Variants in LGR4 observed in about 807,000 individuals in gnomAD.
LGR4 encodes the protein leucine rich repeat containing G protein-coupled receptor 4, also known as leucine-rich repeat-containing G protein-coupled receptor 4.
Under a neutral mutation model 84.8 loss-of-function variants are expected in LGR4, and 44 were observed. The ratio of observed to expected loss-of-function variants is 0.52; its 90% CI spans 0.41 to 0.67. The LOEUF (loss-of-function observed/expected upper bound fraction) is 0.67. Among genes scored for constraint, LGR4 ranks in the 30% least tolerant of loss-of-function variants. The pLI, the probability that LGR4 is intolerant of heterozygous loss-of-function variation, is 0.00. For synonymous variants in LGR4, 429 were observed against 434.3 expected (o/e 0.99, Z 0.15); for missense variants, 1,032 against 1,131.4 (o/e 0.91, Z 1.26).
chr11:27,431,078 ACT>A (rs1244190823), intron 1 of LGR4, among the ~76,000 whole-genome samples: 1 of 151,534 alleles, frequency 6.6e-6, no homozygotes, highest in Non-Finnish European at 1.5e-5. Flanking sequence ...CCCCCAGTAA[ACT>A]CTATATTACC....
At chr11:27,471,865 G>C (rs1864879282) in intron 1 of LGR4, 1 of 316,460 alleles carries the variant, frequency 3.2e-6, no homozygotes, top group Non-Finnish European at 5.7e-6. Context: ...GGGGTGGGAG[G>C]GTGCTTGTGC....
intron 1 of LGR4, among the ~76,000 whole-genome samples, chr11:27,467,597 G>T (rs1391247056): frequency 6.7e-6 from 1 of 149,156 alleles, no homozygotes; most frequent in African/African-American, 2.6e-5. Context: ...ATTAAATAGA[G>T]AACAACAATA....
At chr11:27,442,676 T>C (rs1474721403) in intron 1 of LGR4, among the ~76,000 whole-genome samples, 1 of 152,182 alleles carries the variant, frequency 6.6e-6, no homozygotes, top group Non-Finnish European at 1.5e-5. Context: ...ATTATGACAA[T>C]CATTCACAAA....
intron 2 of LGR4, among the ~76,000 whole-genome samples, chr11:27,412,421 G>A (rs1863728705): frequency 6.6e-6 from 1 of 152,008 alleles, no homozygotes; most frequent in African/African-American, 2.4e-5. Context: ...ATTTTTTGTG[G>A]TTCTGTTACC....
chr11:27,410,345 C>T (rs531203009), intron 2 of LGR4, among the ~76,000 whole-genome samples: 4 of 152,072 alleles, frequency 2.6e-5, no homozygotes, highest in Non-Finnish European at 5.9e-5. Context: ...CCCAATACCC[C>T]AAGCATTCTA....
chr11:27,376,282 A>G lies in LGR4; in HGVS notation c.1181+17T>C. 1 of 1,473,504 alleles carries G rather than the reference A, an allele frequency of 6.8e-7. No individual in the cohort carries two copies. Among genetic ancestry groups the G allele is most frequent in the Non-Finnish European group, 9.4e-7 (1 of 1,069,272 alleles). The allele number at this position is 1,473,504 out of a possible 1,614,324, so 91.3% of individuals were successfully genotyped here. A position where few individuals can be genotyped will look rare whatever the true frequency, so the allele number is the denominator to read the frequency against. ...TGGAAAAAATTTATTGTCTTTAATA[A>G]TCATAGACAAACTTACAGAATCCTT... is the stretch of plus-strand genomic sequence containing the variant. On this transcript the variant is annotated intron_variant, in intron 13 of 17. Coordinates refer to ENST00000379214, the MANE Select transcript of LGR4 (RefSeq NM_018490.5).
intron 1 of LGR4, among the ~76,000 whole-genome samples, chr11:27,429,377 C>G (rs1864076911): frequency 6.6e-6 from 1 of 151,752 alleles, no homozygotes; most frequent in Non-Finnish European, 1.5e-5. Flanking sequence ...CCCAGCTACT[C>G]AAGAGGCTGA....
intron 3 of LGR4, 26 bp from the exon 4 acceptor site, chr11:27,391,191 G>A: frequency 1.6e-6 from 2 of 1,275,176 alleles, no homozygotes; most frequent in South Asian, 1.3e-5. Flanking sequence ...TGGTTAGTGA[G>A]TAACAAGTGA....
intron 9 of LGR4, 26 bp from the exon 10 acceptor site, chr11:27,380,365 TA>T (rs748801825): frequency 4.5e-6 from 7 of 1,562,412 alleles, no homozygotes; most frequent in Middle Eastern, 1.7e-4. Context: ...AAAGACAAGG[TA>T]ATTTTTAAAT....
chr11:27,374,011 C>G lies in LGR4; in HGVS notation c.1217G>C (p.Ser406Thr). 3.1e-6 allele frequency: 5 copies of G among 1,612,342 alleles called. 1 individual carries two copies. In the South Asian group the frequency reaches 5.5e-5, roughly 18 times the overall value. Reference protein sequence around the residue: ...LSRNLIHEIHSRAFATLGPIT... With the variant: ...LSRNLIHEIHTRAFATLGPIT... ...TGGCCCAAGTGTGGCAAAAGCTCTA[C>G]TGTGAATTTCATGTATCAGGTTTCT... The change falls in exon 14 of 18, where the codon AGT becomes ACT. Residue 406 changes from serine to threonine, a missense_variant. Ser to Thr is a moderately conservative substitution (Grantham distance 58). Coordinates refer to ENST00000379214, the MANE Select transcript of LGR4 (RefSeq NM_018490.5).
intron 1 of LGR4, among the ~76,000 whole-genome samples, chr11:27,443,311 T>C (rs373901624): frequency 1.6e-4 from 25 of 152,276 alleles, no homozygotes; most frequent in African/African-American, 5.8e-4. Flanking sequence ...CACTGCACGA[T>C]GGGAAATTCC....
At chr11:27,435,915 C>CT (rs869261031) in intron 1 of LGR4, among the ~76,000 whole-genome samples, 157 of 144,750 alleles carry the variant, frequency 1.1e-3, no homozygotes, top group South Asian at 1.5e-3. Flanking sequence ...AATGGAACTT[C>CT]TTTTTTTTTT....
chr11:27,392,135 A>C (rs1438072102), intron 3 of LGR4, among the ~76,000 whole-genome samples: 1 of 152,222 alleles, frequency 6.6e-6, no homozygotes, highest in East Asian at 1.9e-4. Context: ...CTATAAAATA[A>C]GTAGAAACAA....
chr11:27,375,167 C>T (rs1862951544), intron 13 of LGR4, among the ~76,000 whole-genome samples: 1 of 150,494 alleles, frequency 6.6e-6, no homozygotes, highest in African/African-American at 2.4e-5. Flanking sequence ...GTGGTGTGCA[C>T]CTGTAGTCCC....
intron 1 of LGR4, among the ~76,000 whole-genome samples, chr11:27,460,360 C>A (rs778307373): frequency 1.3e-5 from 2 of 152,018 alleles, no homozygotes; most frequent in Non-Finnish European, 2.9e-5. Context: ...AGAAGATAAA[C>A]ATAAAGGCAG....
In LGR4 at chr11:27,472,582, G is replaced by C; in HGVS notation, c.-280C>G. The C allele has an allele frequency of 2.7e-6, 1 of 376,376 alleles. No individual in the cohort carries two copies. The highest frequency in any genetic ancestry group is 6.8e-4 in the Middle Eastern group (1 of 1,464). The allele number at this position is 376,376 out of a possible 1,614,324, so 23.3% of individuals were successfully genotyped here. A position where few individuals can be genotyped will look rare whatever the true frequency, so the allele number is the denominator to read the frequency against. On this transcript the variant is annotated 5_prime_UTR_variant, in exon 1 of 18. Transcript: ENST00000379214. ...GGGCCGGCCCGGCGCAGCGGCGGGG[G>C]CCGCGCTCTGCCATCGCACCGGTCT...
In LGR4 at chr11:27,368,364, G is replaced by C. The variant is rs1292833778; in HGVS notation, c.2359C>G (p.Leu787Val). The stretch of plus-strand genomic sequence containing the variant: ...CAAGCAGGCAATGGAAAAAATATCA[G>C]AGTAACAGACTTCATTATTTCGGGG... ...ISPEIMKSVT[L>V]IFFPLPACLN... The change falls in exon 18 of 18, where the codon CTG becomes GTG. Residue 787 changes from leucine (L) to valine (V), a missense_variant. Leu to Val is a conservative substitution (Grantham distance 32, BLOSUM62 1). Transcript: ENST00000379214. 5 of 1,614,084 alleles carry C rather than the reference G, an allele frequency of 3.1e-6. No homozygotes were observed. The highest frequency in any genetic ancestry group is 1.7e-6 in the Non-Finnish European group (2 of 1,179,950).
intron 10 of LGR4, among the ~76,000 whole-genome samples, chr11:27,379,974 A>G (rs1466748058): frequency 6.6e-6 from 1 of 152,196 alleles, no homozygotes; most frequent in African/African-American, 2.4e-5. Context: ...GCCTTCTGTG[A>G]TAGTCTACAT....
chr11:27,450,444 G>A (rs1864462773), intron 1 of LGR4, among the ~76,000 whole-genome samples: 1 of 152,064 alleles, frequency 6.6e-6, no homozygotes, highest in South Asian at 2.1e-4. Context: ...AAATGAAACG[G>A]AACTTCCCAT....
Sources: allele counts gnomAD v4.1 joint callset (sites outside exome capture counted in the v4.1 genomes callset), GRCh38; gene constraint gnomAD v4.1.1; transcripts MANE v1.5; gene names NCBI Gene and HGNC (gene_info 2026-07-23, HGNC 2026-07-21).